OR51T1: variants seen among roughly 807,000 people sequenced by gnomAD.
OR51T1 encodes olfactory receptor family 51 subfamily T member 1.
For missense variants in OR51T1, 439 were observed against 398.5 expected, an observed-to-expected ratio of 1.10 and a Z score of -0.87; for synonymous variants, 188 against 152.6, an observed-to-expected ratio of 1.23 and a Z score of -1.71.
In OR51T1 at chr11:4,882,492, G is replaced by C. The variant is rs1438560772; in HGVS notation, c.593G>C (p.Ser198Thr). The change falls in exon 1 of 1, where the codon AGT becomes ACT. Residue 198 changes from serine to threonine, a missense_variant. By Grantham distance (58) the Ser-to-Thr change is moderately conservative. Coordinates refer to ENST00000322049, the MANE Select transcript of OR51T1 (RefSeq NM_001004759.3). ...KYTYSKPWIS[S>T]FWGLFLQLYL... Reference sequence around the variant, plus strand: ...ACATATTCCAAACCTTGGATCAGCAGTTTTTGGGGACTGTTTCTTCAGCTC... The same window carrying C: ...ACATATTCCAAACCTTGGATCAGCACTTTTTGGGGACTGTTTCTTCAGCTC... 9.3e-6 allele frequency: 15 copies of C among 1,613,878 alleles called. No individual in the cohort carries two copies. Among genetic ancestry groups the C allele is most frequent in the Non-Finnish European group, 1.2e-5 (14 of 1,179,920 alleles).
In OR51T1 at chr11:4,882,091, C is replaced by A; in HGVS notation, c.192C>A (p.Phe64Leu). ...KRRLHKPMYYFLSMLAAVDLC... is the reference protein window; with the variant it reads ...KRRLHKPMYYLLSMLAAVDLC... ...GACTCCACAAACCCATGTATTATTT[C>A]CTCTCCATGCTGGCAGCTGTTGATC... Residue 64 changes from phenylalanine (F) to leucine (L), a missense_variant, in exon 1 of 1, where the codon TTC becomes TTA. Physicochemically the swap from Phe to Leu is conservative, Grantham distance 22. Transcript: ENST00000322049. 1 of 1,613,974 alleles carries A rather than the reference C, an allele frequency of 6.2e-7. No homozygotes were observed. Among genetic ancestry groups the A allele is most frequent in the Non-Finnish European group, 8.5e-7 (1 of 1,179,938 alleles).
rs1489651531 is a variant in OR51T1 at position 4,881,938 on chromosome 11, C to A, written c.39C>A (p.Asn13Lys). 3 of 1,613,660 alleles carry A rather than the reference C, an allele frequency of 1.9e-6. No individual in the cohort carries two copies. Among genetic ancestry groups the A allele is most frequent in the African/African-American group, 1.3e-5 (1 of 74,884 alleles). The stretch of plus-strand genomic sequence containing the variant: ...ATAACACCACTTCGTCTTCCTCAAA[C>A]TTCCTCCTCACTGCATTCCCTGGGC... ...IFNNTTSSSS[N>K]FLLTAFPGLE... The change falls in exon 1 of 1, where the codon AAC becomes AAA. Residue 13 changes from asparagine to lysine, a missense_variant. Physicochemically the swap from Asn to Lys is moderately conservative, Grantham distance 94 (BLOSUM62 0). Coordinates refer to ENST00000322049, the MANE Select transcript of OR51T1 (RefSeq NM_001004759.3).
rs781697460 is a variant in OR51T1 at position 4,882,269 on chromosome 11, C to A, written c.370C>A (p.Arg124Ser). 4.3e-6 allele frequency: 7 copies of A among 1,613,772 alleles called. No individual in the cohort carries two copies. The highest frequency in any genetic ancestry group is 5.9e-6 in the Non-Finnish European group (7 of 1,179,918). ...SSVLVAMAFD[R>S]FVAICNPLNY... ...GGTGCTGGTAGCCATGGCCTTTGAC[C>A]GCTTCGTGGCTATCTGTAACCCACT... Residue 124 changes from arginine (R) to serine (S), a missense_variant, in exon 1 of 1, where the codon CGC (arginine) becomes AGC (serine). Transcript: ENST00000322049.
Position 4,882,066 on chromosome 11 carries a change from G to T in OR51T1, c.167G>T (p.Arg56Ile). 3 of 1,613,858 alleles carry T rather than the reference G, an allele frequency of 1.9e-6. No homozygotes were observed. The highest frequency in any genetic ancestry group is 2.5e-6 in the Non-Finnish European group (3 of 1,179,890). Residue 56 changes from arginine (R) to isoleucine (I), a missense_variant, in exon 1 of 1, where the codon AGA (arginine) becomes ATA (isoleucine). By Grantham distance (97) the Arg-to-Ile change is moderately conservative (BLOSUM62 -3). Transcript: ENST00000322049. ...MIFLVIITKR[R>I]LHKPMYYFLS... is the part of the protein sequence containing the mutation. ...TTTCTTGTCATCATTACTAAGCGGA[G>T]ACTCCACAAACCCATGTATTATTTC...
chr11:4,882,363 C>T lies in OR51T1; in HGVS notation c.464C>T (p.Ala155Val), dbSNP rs544285410. ...GGGCTGGTCATCTGCATTAGACCAGCAGTTTTCTTACTTCCCCTTCTTGTA... is the reference window on the plus strand; with the variant it reads ...GGGCTGGTCATCTGCATTAGACCAGTAGTTTTCTTACTTCCCCTTCTTGTA... ...VIGLVICIRP[A>V]VFLLPLLVAI... Residue 155 changes from alanine (A) to valine (V), a missense_variant, in exon 1 of 1, where the codon GCA becomes GTA. Coordinates refer to ENST00000322049, the MANE Select transcript of OR51T1 (RefSeq NM_001004759.3). 2.5e-6 allele frequency: 4 copies of T among 1,613,948 alleles called. No homozygotes were observed. Among genetic ancestry groups the T allele is most frequent in the Non-Finnish European group, 3.4e-6 (4 of 1,179,946 alleles).
In OR51T1 at chr11:4,882,686, G is replaced by T. The variant is rs1850492153; in HGVS notation, c.787G>T (p.Ala263Ser). The T allele has an allele frequency of 6.2e-7, 1 of 1,613,856 alleles. No individual in the cohort carries two copies. Among genetic ancestry groups the T allele is most frequent in the Non-Finnish European group, 8.5e-7 (1 of 1,179,928 alleles). The change falls in exon 1 of 1, where the codon GCA becomes TCA. Residue 263 changes from alanine (A) to serine (S), a missense_variant. Coordinates refer to ENST00000322049, the MANE Select transcript of OR51T1 (RefSeq NM_001004759.3). ...TGTGCCACTGATCAGCCTCTCTTTG[G>T]CACACCGCCTCTTCCACTCCACCCC... is the stretch of plus-strand genomic sequence containing the variant. The part of the protein sequence containing the change: ...FYVPLISLSL[A>S]HRLFHSTPRV...
rs765311187 is a variant in OR51T1, at chr11:4,882,039, T to A, written c.140T>A (p.Ile47Asn). Residue 47 changes from isoleucine (I) to asparagine (N), a missense_variant, in exon 1 of 1, where the codon ATC becomes AAC. Transcript: ENST00000322049. ...YTIALLGNSM[I>N]FLVIITKRRL... is the part of the protein sequence containing the mutation. ...ATTGCCCTCTTGGGAAACAGTATGA[T>A]CTTTCTTGTCATCATTACTAAGCGG... 1 of 1,613,866 alleles carries A rather than the reference T, an allele frequency of 6.2e-7. No homozygotes were observed. Among genetic ancestry groups the A allele is most frequent in the East Asian group, 2.2e-5 (1 of 44,846 alleles).
chr11:4,882,574 T>A lies in OR51T1; in HGVS notation c.675T>A (p.Arg225=), dbSNP rs755347806. The stretch of plus-strand genomic sequence containing the variant: ...TTTTCTCCTATGTCCTGATCCTCCG[T>A]ACTGTTCTGGGCATTGTGGCCCGAA... ...FILFSYVLIL[R]TVLGIVARKK... The change falls in exon 1 of 1, where the codon CGT becomes CGA. Residue 225 remains arginine, a synonymous_variant. Coordinates refer to ENST00000322049, the MANE Select transcript of OR51T1 (RefSeq NM_001004759.3). The A allele has an allele frequency of 1.4e-5, 22 of 1,613,846 alleles. No homozygotes were observed. The South Asian group carries it at 2.4e-4, about 18-fold the overall frequency.
chr11:4,882,837 G>A lies in OR51T1; in HGVS notation c.938G>A (p.Gly313Asp). ...ATGTTCCAGCTGCTCCAATCCAAGGGTTCATGGGGTTTTAATGTGAGGGGT... is the reference window on the plus strand; with the variant it reads ...ATGTTCCAGCTGCTCCAATCCAAGGATTCATGGGGTTTTAATGTGAGGGGT... ...QAMFQLLQSKGSWGFNVRGLR... is the reference protein window; with the variant it reads ...QAMFQLLQSKDSWGFNVRGLR... Residue 313 changes from glycine (G) to aspartate (D), a missense_variant, in exon 1 of 1, where the codon GGT becomes GAT. By Grantham distance (94) the Gly-to-Asp change is moderately conservative. Transcript: ENST00000322049. The A allele has an allele frequency of 2.5e-6, 4 of 1,613,710 alleles. No homozygotes were observed. Among genetic ancestry groups the A allele is most frequent in the Non-Finnish European group, 2.5e-6 (3 of 1,179,804 alleles).
At position 4,882,476 on chromosome 11, in the gene OR51T1, A is replaced by G; in HGVS notation, c.577A>G (p.Lys193Glu). 2 of 1,613,842 alleles carry G rather than the reference A, an allele frequency of 1.2e-6. No individual in the cohort carries two copies. Among genetic ancestry groups the G allele is most frequent in the Non-Finnish European group, 1.7e-6 (2 of 1,179,922 alleles). ...AGAAGTGATCAAATACACATATTCCAAACCTTGGATCAGCAGTTTTTGGGG... is the reference window on the plus strand; with the variant it reads ...AGAAGTGATCAAATACACATATTCCGAACCTTGGATCAGCAGTTTTTGGGG... ...HPEVIKYTYS[K>E]PWISSFWGLF... Residue 193 changes from lysine (K) to glutamate (E), a missense_variant, in exon 1 of 1, where the codon AAA becomes GAA. By Grantham distance (56) the Lys-to-Glu change is moderately conservative (BLOSUM62 1). Transcript: ENST00000322049.
Position 4,882,846 on chromosome 11 carries a change from G to A in OR51T1, c.947G>A (p.Gly316Asp). 1.9e-6 allele frequency: 3 copies of A among 1,613,634 alleles called. No homozygotes were observed. The change falls in exon 1 of 1, where the codon GGT (glycine) becomes GAT (aspartate). Residue 316 changes from glycine to aspartate, a missense_variant. Coordinates refer to ENST00000322049, the MANE Select transcript of OR51T1 (RefSeq NM_001004759.3). Reference protein sequence around the residue: ...FQLLQSKGSWGFNVRGLRGRW... With the variant: ...FQLLQSKGSWDFNVRGLRGRW... ...CTGCTCCAATCCAAGGGTTCATGGGGTTTTAATGTGAGGGGTCTTAGGGGA... is the reference window on the plus strand; with the variant it reads ...CTGCTCCAATCCAAGGGTTCATGGGATTTTAATGTGAGGGGTCTTAGGGGA...
rs76075850 is a variant in OR51T1 at position 4,882,122 on chromosome 11, C to T, written c.223C>T (p.Leu75=). 10 of 1,613,912 alleles carry T rather than the reference C, an allele frequency of 6.2e-6. No homozygotes were observed. The East Asian group carries it at 2.0e-4, about 32-fold the overall frequency. ...LSMLAAVDLC[L]TITTLPTVLG... is the part of the protein sequence containing the mutation. ...CATGCTGGCAGCTGTTGATCTATGTCTGACCATTACGACCCTTCCCACTGT... is the reference window on the plus strand; with the variant it reads ...CATGCTGGCAGCTGTTGATCTATGTTTGACCATTACGACCCTTCCCACTGT... The change falls in exon 1 of 1, where the codon CTG becomes TTG. Residue 75 remains leucine, a synonymous_variant. Coordinates refer to ENST00000322049, the MANE Select transcript of OR51T1 (RefSeq NM_001004759.3).
Position 4,882,274 on chromosome 11 carries a change from C to G in OR51T1, c.375C>G (p.Phe125Leu). 1 of 1,613,978 alleles carries G rather than the reference C, an allele frequency of 6.2e-7. No individual in the cohort carries two copies. The highest frequency in any genetic ancestry group is 1.3e-5 in the African/African-American group (1 of 75,008). Residue 125 changes from phenylalanine to leucine, a missense_variant, in exon 1 of 1, where the codon TTC (phenylalanine) becomes TTG (leucine). Transcript: ENST00000322049. ...TGGTAGCCATGGCCTTTGACCGCTT[C>G]GTGGCTATCTGTAACCCACTGAACT... ...SVLVAMAFDR[F>L]VAICNPLNYA...
chr11:4,882,571 C>G lies in OR51T1; in HGVS notation c.672C>G (p.Leu224=), dbSNP rs761110505. 6.2e-7 allele frequency: 1 copy of G among 1,613,954 alleles called. No homozygotes were observed. The stretch of plus-strand genomic sequence containing the variant: ...TTCTTTTCTCCTATGTCCTGATCCT[C>G]CGTACTGTTCTGGGCATTGTGGCCC... ...LFILFSYVLI[L]RTVLGIVARK... Residue 224 remains leucine, a synonymous_variant, in exon 1 of 1, where the codon CTC becomes CTG. Coordinates refer to ENST00000322049, the MANE Select transcript of OR51T1 (RefSeq NM_001004759.3).
Sources: allele counts gnomAD v4.1 joint callset, GRCh38; gene constraint gnomAD v4.1.1; transcripts MANE v1.5; gene names NCBI Gene and HGNC (gene_info 2026-07-23, HGNC 2026-07-21).